Variants in GCN1 observed in about 807,000 individuals in gnomAD.
GCN1 encodes stalled ribosome sensor GCN1.
GCN1 carries 90 observed loss-of-function variants against 288.4 expected under a neutral mutation model. The ratio of observed to expected loss-of-function variants is 0.31; its 90% CI spans 0.26 to 0.37. The LOEUF (loss-of-function observed/expected upper bound fraction) is 0.37, where lower values mean the gene tolerates loss of function less well. Among genes scored for constraint, GCN1 ranks in the 10% least tolerant of loss-of-function variants. The pLI is 1.00. For synonymous variants in GCN1, 1,386 were observed against 1,420.2 expected, an observed-to-expected ratio of 0.98 and a Z score of 0.54; for missense variants, 2,586 against 3,419.9, an observed-to-expected ratio of 0.76 and a Z score of 6.08.
rs775177328 is a variant in GCN1, at chr12:120,151,113, T to A, written c.4309+32A>T. The A allele has an allele frequency of 2.5e-6, 4 of 1,603,886 alleles. No individual in the cohort carries two copies. In the East Asian group the frequency reaches 8.9e-5, roughly 36 times the overall value. On this transcript the variant is annotated intron_variant, in intron 34 of 57. Coordinates refer to ENST00000300648, the MANE Select transcript of GCN1 (RefSeq NM_006836.2). ...TGGCAACCTGGGGACCAACTTCCCA[T>A]GCTGGGCAGCCCCAAGCTCAGAGAT...
At chr12:120,190,239 A>AG (rs1474523713) in intron 2 of GCN1, 59 bp downstream of exon 2, 33 of 957,048 alleles carry the variant, frequency 3.4e-5, no homozygotes, top group African/African-American at 8.3e-5. Context: ...AAAAAAAAAA[A>AG]AAAGAAAGAA....
Position 120,138,866 on chromosome 12 carries a change from C to A in GCN1, c.5995-10G>T. 1 of 1,600,812 alleles carries A rather than the reference C, an allele frequency of 6.2e-7. No homozygotes were observed. Among genetic ancestry groups the A allele is most frequent in the Non-Finnish European group, 8.5e-7 (1 of 1,170,982 alleles). On this transcript the variant is annotated splice_polypyrimidine_tract_variant and intron_variant, in intron 45 of 57. Coordinates refer to ENST00000300648, the MANE Select transcript of GCN1 (RefSeq NM_006836.2). ...CAGAGAAATACAGCACCTGCAATGGCAAGCTACAACTGTACCAGATGCAGG... is the reference window on the plus strand; with the variant it reads ...CAGAGAAATACAGCACCTGCAATGGAAAGCTACAACTGTACCAGATGCAGG...
chr12:120,146,542 T>G (rs916042988), intron 38 of GCN1, among the ~76,000 whole-genome samples: 1 of 151,548 alleles, frequency 6.6e-6, no homozygotes, highest in Non-Finnish European at 1.5e-5. Context: ...GTTTTTCTGG[T>G]TTTTTAATTT....
chr12:120,190,234 A>T, intron 2 of GCN1, 64 bp downstream of exon 2: 1 of 928,432 alleles, frequency 1.1e-6, no homozygotes, highest in Non-Finnish European at 1.7e-6. Context: ...CAAAAAAAAA[A>T]AAAAAAAAGA....
intron 44 of GCN1, among the ~76,000 whole-genome samples, chr12:120,141,236 C>T (rs867531244): frequency 6.6e-6 from 1 of 152,180 alleles, no homozygotes; most frequent in Non-Finnish European, 1.5e-5. Context: ...CACACACCTA[C>T]ACAACCTAAC....
rs988786473 is a variant in GCN1, at chr12:120,156,000, C to T, written c.3313-281G>A. 1.3e-5 allele frequency among the ~76,000 whole-genome samples: 2 copies of T among 152,172 alleles called. No individual in the cohort carries two copies. Among genetic ancestry groups the T allele is most frequent in the African/African-American group, 2.4e-5 (1 of 41,440 alleles). ...CAAAAAAATTTTAAGGAAAAATTTA[C>T]TATATTGTCATCATTTTCACATTTT... On this transcript the variant is annotated intron_variant, in intron 28 of 57. Coordinates refer to ENST00000300648, the MANE Select transcript of GCN1 (RefSeq NM_006836.2). This position sits in a 1 kb window ranked among gnomAD's most constrained non-coding sequence, Gnocchi z 4.9.
At chr12:120,149,877 T>G (rs1877482967) in intron 35 of GCN1, 45 bp downstream of exon 35, 2 of 1,611,818 alleles carry the variant, frequency 1.2e-6, no homozygotes, top group African/African-American at 2.7e-5. Context: ...GGAACACATC[T>G]CATAAAGTTT....
rs1445934519 is a variant in GCN1 at position 120,153,506 on chromosome 12, G to C, written c.3868-99C>G. ...AGGACCAAGACCAAGTCTAGCTCTG[G>C]GACAGGCATCCTGACATGCCAGCCA... On this transcript the variant is annotated intron_variant, in intron 32 of 57. Coordinates refer to ENST00000300648, the MANE Select transcript of GCN1 (RefSeq NM_006836.2). The surrounding 1 kb of genome is among the most constrained non-coding windows in gnomAD (Gnocchi z 4.4). 11 of 1,118,988 alleles carry C rather than the reference G, an allele frequency of 9.8e-6. No homozygotes were observed. Among genetic ancestry groups the C allele is most frequent in the Non-Finnish European group, 1.4e-5 (11 of 782,886 alleles). The allele number at this position is 1,118,988 out of a possible 1,614,324, so 69.3% of individuals were successfully genotyped here. A position where few individuals can be genotyped will look rare whatever the true frequency, so the allele number is the denominator to read the frequency against.
rs1273453744 is a variant in GCN1, at chr12:120,175,786, G to A, written c.1002C>T (p.Ala334=). The A allele has an allele frequency of 1.9e-6, 3 of 1,613,212 alleles. No homozygotes were observed. Among genetic ancestry groups the A allele is most frequent in the Admixed American group, 1.7e-5 (1 of 59,756 alleles). ...ATAGGTGCTTGGTCAGGGATTCCAT[G>A]GCCGAAGAGTCACTGCACTGGCGTG... ...NLARQCSDSS[A]MESLTKHLFA... The change falls in exon 11 of 58, where the codon GCC becomes GCT. Residue 334 remains alanine, a synonymous_variant. Coordinates refer to ENST00000300648, the MANE Select transcript of GCN1 (RefSeq NM_006836.2).
chr12:120,155,664 C>T lies in GCN1; in HGVS notation c.3368G>A (p.Gly1123Asp). 1 of 1,613,926 alleles carries T rather than the reference C, an allele frequency of 6.2e-7. No homozygotes were observed. The highest frequency in any genetic ancestry group is 8.5e-7 in the Non-Finnish European group (1 of 1,179,850). ...LPAPDTDEKN[G>D]LNLLRRLWVV... is the part of the protein sequence containing the mutation. ...CCAGAGTCTCCGCAGAAGGTTCAGG[C>T]CATTCTTCTCATCAGTATCAGGTGC... The change falls in exon 29 of 58, where the codon GGC becomes GAC. Residue 1123 changes from glycine to aspartate, a missense_variant. Transcript: ENST00000300648. The surrounding 1 kb of genome is among the most constrained non-coding windows in gnomAD (Gnocchi z 4.9).
chr12:120,139,008 A>AT lies in GCN1; in HGVS notation c.5995-153dup, dbSNP rs1877103230. The AT allele has an allele frequency of 4.8e-6, 3 of 630,736 alleles. No individual in the cohort carries two copies. The South Asian group carries it at 6.6e-5, about 14-fold the overall frequency. 39.1% of individuals were successfully genotyped at this position (630,736 alleles called of 1,614,324 possible). ...TTTTAACTTAACTCTTTACTGTGAA[A>AT]TAAAAAAAAGGAGAGAAGGGGCCGG... On this transcript the variant is annotated intron_variant, in intron 45 of 57. Coordinates refer to ENST00000300648, the MANE Select transcript of GCN1 (RefSeq NM_006836.2).
At chr12:120,192,059 C>CT (rs1879018072) in intron 1 of GCN1, among the ~76,000 whole-genome samples, 1 of 152,120 alleles carries the variant, frequency 6.6e-6, no homozygotes, top group African/African-American at 2.4e-5. Context: ...TTAATAAACT[C>CT]TGATTCTTCC....
chr12:120,178,975 G>A (rs754044198), intron 5 of GCN1, 25 bp from the exon 6 acceptor site: 1 of 1,590,442 alleles, frequency 6.3e-7, no homozygotes, highest in South Asian at 1.1e-5. Context: ...GAAGACTCAG[G>A]TCAAGGTGGG....
intron 53 of GCN1, among the ~76,000 whole-genome samples, chr12:120,133,771 T>C (rs1055606486): frequency 6.6e-6 from 1 of 152,180 alleles, no homozygotes; most frequent in South Asian, 2.1e-4. Flanking sequence ...GCCTCATCTA[T>C]AAAATAGAAA....
intron 44 of GCN1, 64 bp from the exon 45 acceptor site, chr12:120,141,087 C>T: frequency 7.0e-7 from 1 of 1,431,762 alleles, no homozygotes; most frequent in Non-Finnish European, 9.6e-7. Context: ...CAGAGGAGGA[C>T]TCCAGAATGA....
chr12:120,154,917 C>A (rs1416776248), intron 31 of GCN1, 53 bp downstream of exon 31: 2 of 1,507,748 alleles, frequency 1.3e-6, no homozygotes, highest in Non-Finnish European at 1.8e-6. Context: ...ACCCAGCCAA[C>A]CTGCCACATC....
chr12:120,175,052 G>T lies in GCN1; in HGVS notation c.1093+110C>A. The T allele has an allele frequency of 4.5e-6, 4 of 881,030 alleles. No homozygotes were observed. In the South Asian group the frequency reaches 6.2e-5, roughly 14 times the overall value. 54.6% of individuals were successfully genotyped at this position (881,030 alleles called of 1,614,324 possible). On this transcript the variant is annotated intron_variant, in intron 12 of 57. Coordinates refer to ENST00000300648, the MANE Select transcript of GCN1 (RefSeq NM_006836.2). ...TGAGGCATGAGGATCGCTTGAACCTGGGAGGCAGAGGTTGCAGTGAGCTGA... is the reference window on the plus strand; with the variant it reads ...TGAGGCATGAGGATCGCTTGAACCTTGGAGGCAGAGGTTGCAGTGAGCTGA...
At chr12:120,185,564 A>G (rs1246995230) in intron 2 of GCN1, among the ~76,000 whole-genome samples, 1 of 152,196 alleles carries the variant, frequency 6.6e-6, no homozygotes, top group Non-Finnish European at 1.5e-5. Context: ...ACATTCACTC[A>G]TTTAATCCAT....
intron 57 of GCN1, among the ~76,000 whole-genome samples, chr12:120,128,476 C>T (rs975558161): frequency 2.6e-5 from 4 of 151,952 alleles, no homozygotes; most frequent in South Asian, 2.1e-4. Context: ...GCTGAGATTA[C>T]AGACATAGCG....
Sources: allele counts gnomAD v4.1 joint callset (sites outside exome capture counted in the v4.1 genomes callset), GRCh38; gene constraint gnomAD v4.1.1; non-coding constraint Gnocchi (gnomAD v3.1); transcripts MANE v1.5; gene names NCBI Gene and HGNC (gene_info 2026-07-23, HGNC 2026-07-21).